Variants in RASSF10 observed in about 807,000 individuals in gnomAD.
RASSF10 encodes the protein Ras association domain family member 10.
A neutral mutation model predicts 41.5 loss-of-function variants in RASSF10; 22 were observed. The ratio of observed to expected loss-of-function variants is 0.53; its 90% CI spans 0.38 to 0.76. The LOEUF (loss-of-function observed/expected upper bound fraction) is 0.76. RASSF10 is among the 30% of genes least tolerant of loss of function. The probability of loss-of-function intolerance (pLI) is 0.00; values close to 1 mark genes in which losing one functional copy is unlikely to be tolerated. For missense variants in RASSF10, 776 were observed against 711.8 expected (o/e 1.09, Z -1.03); for synonymous variants, 364 against 319.0 (o/e 1.14, Z -1.50).
At position 13,010,362 on chromosome 11, in the gene RASSF10, G is replaced by A; in HGVS notation, c.786G>A (p.Leu262=). ...ATCACTACGAGGCCAAGGTGCACCT[G>A]GACCGCATGCGGCGTCACGGGGTCA... ...EIDHYEAKVH[L]DRMRRHGVNY... is the part of the protein sequence containing the mutation. The change falls in exon 1 of 1, where the codon CTG becomes CTA. Residue 262 remains leucine (L), a synonymous_variant. Transcript: ENST00000529419. This position sits in a 1 kb window ranked among gnomAD's most constrained non-coding sequence, Gnocchi z 4.8. The A allele has an allele frequency of 6.4e-7, 1 of 1,551,442 alleles. No individual in the cohort carries two copies. The highest frequency in any genetic ancestry group is 8.7e-7 in the Non-Finnish European group (1 of 1,146,978).
Position 13,010,494 on chromosome 11 carries a change from G to A in RASSF10, c.918G>A (p.Ala306=). 6.6e-7 allele frequency: 1 copy of A among 1,515,666 alleles called. No individual in the cohort carries two copies. Among genetic ancestry groups the A allele is most frequent in the Non-Finnish European group, 8.8e-7 (1 of 1,131,360 alleles). The allele number at this position is 1,515,666 out of a possible 1,614,324, so 93.9% of individuals were successfully genotyped here. ...CGGCGGAGGCGGAGGAGGCGGCGGC[G>A]GCGCCCCCTCTAGCCGGCGAGGCGC... ...EVAAEAEEAA[A]APPLAGEAQA... The change falls in exon 1 of 1, where the codon GCG becomes GCA. Residue 306 remains alanine (A), a synonymous_variant. Coordinates refer to ENST00000529419, the MANE Select transcript of RASSF10 (RefSeq NM_001080521.3). The surrounding 1 kb of genome is among the most constrained non-coding windows in gnomAD (Gnocchi z 4.8).
Position 13,009,881 on chromosome 11 carries a change from G to C in RASSF10, c.305G>C (p.Arg102Pro). The C allele has an allele frequency of 6.2e-7, 1 of 1,604,474 alleles. No individual in the cohort carries two copies. The highest frequency in any genetic ancestry group is 8.5e-7 in the Non-Finnish European group (1 of 1,176,088). ...GTGGAGAAGTGGCGCGGCTTTGAGC[G>C]CATCCTCCCCAACAAGACGCGCATC... Reference protein sequence around the residue: ...CIVEKWRGFERILPNKTRILR... With the variant: ...CIVEKWRGFEPILPNKTRILR... Residue 102 changes from arginine (R) to proline (P), a missense_variant, in exon 1 of 1, where the codon CGC (arginine) becomes CCC (proline). Physicochemically the swap from Arg to Pro is moderately radical, Grantham distance 103 (BLOSUM62 -2). Coordinates refer to ENST00000529419, the MANE Select transcript of RASSF10 (RefSeq NM_001080521.3).
rs1224111576 is a variant in RASSF10 at position 13,009,639 on chromosome 11, C to A, written c.63C>A (p.Gly21=). 5 of 1,601,378 alleles carry A rather than the reference C, an allele frequency of 3.1e-6. No individual in the cohort carries two copies. Among genetic ancestry groups the A allele is most frequent in the Non-Finnish European group, 4.3e-6 (5 of 1,174,236 alleles). Reference sequence around the variant, plus strand: ...GCCAGGAAGAGAAGCTGGTGTCCGGCCTCTCCCGCCGCACCACTTGCTCCG... The same window carrying A: ...GCCAGGAAGAGAAGCTGGTGTCCGGACTCTCCCGCCGCACCACTTGCTCCG... ...WICQEEKLVS[G]LSRRTTCSDV... Residue 21 remains glycine, a synonymous_variant, in exon 1 of 1, where the codon GGC becomes GGA. Coordinates refer to ENST00000529419, the MANE Select transcript of RASSF10 (RefSeq NM_001080521.3).
rs781737760 is a variant in RASSF10, at chr11:13,009,834, GC to G, written c.263del (p.Pro88ArgfsTer41). 1.9e-6 allele frequency: 3 copies of G among 1,606,642 alleles called. No homozygotes were observed. The highest frequency in any genetic ancestry group is 2.2e-5 in the East Asian group (1 of 44,610). The part of the protein sequence containing the change: ...EALPQGMLCG[P>X]PQCYCIVEKW... Reference sequence around the variant, plus strand: ...CGCTGCCGCAGGGCATGCTGTGCGGGCCCCCGCAGTGCTATTGCATCGTGGA... The same window carrying G: ...CGCTGCCGCAGGGCATGCTGTGCGGGCCCCGCAGTGCTATTGCATCGTGGA... On this transcript the variant is annotated frameshift_variant, in exon 1 of 1. Transcript: ENST00000529419. LOFTEE classifies it high-confidence loss of function.
rs781503535 is a variant in RASSF10 at position 13,009,873 on chromosome 11, C to T, written c.297C>T (p.Gly99=). 6.2e-7 allele frequency: 1 copy of T among 1,605,328 alleles called. No individual in the cohort carries two copies. The highest frequency in any genetic ancestry group is 2.2e-5 in the East Asian group (1 of 44,596). Residue 99 remains glycine, a synonymous_variant, in exon 1 of 1, where the codon GGC becomes GGT. Transcript: ENST00000529419. ...QCYCIVEKWR[G]FERILPNKTR... is the part of the protein sequence containing the mutation. Reference sequence around the variant, plus strand: ...ATTGCATCGTGGAGAAGTGGCGCGGCTTTGAGCGCATCCTCCCCAACAAGA... The same window carrying T: ...ATTGCATCGTGGAGAAGTGGCGCGGTTTTGAGCGCATCCTCCCCAACAAGA...
At position 13,011,197 on chromosome 11, in the gene RASSF10, T is replaced by G; in HGVS notation, c.*97T>G. 13 of 994,462 alleles carry G rather than the reference T, an allele frequency of 1.3e-5. No individual in the cohort carries two copies. The highest frequency in any genetic ancestry group is 1.7e-5 in the Non-Finnish European group (12 of 692,118). 61.6% of individuals were successfully genotyped at this position (994,462 alleles called of 1,614,324 possible). On this transcript the variant is annotated 3_prime_UTR_variant, in exon 1 of 1. Transcript: ENST00000529419. ...GGCTCGCGGACTTGAAACCAGGCTG[T>G]TGCGAGCCCAGAGCTCCGGCTGGGC... is the stretch of plus-strand genomic sequence containing the variant.
At position 13,010,196 on chromosome 11, in the gene RASSF10, C is replaced by T; in HGVS notation, c.620C>T (p.Ala207Val). 6.3e-7 allele frequency: 1 copy of T among 1,595,676 alleles called. No individual in the cohort carries two copies. Among genetic ancestry groups the T allele is most frequent in the South Asian group, 1.1e-5 (1 of 87,118 alleles). ...SSCSSTSSST[A>V]SSCSSSPRTH... ...TGTTCGTCCACTTCGTCGTCCACTG[C>T]CTCGTCCTGCTCTTCGTCGCCGCGG... The change falls in exon 1 of 1, where the codon GCC (alanine) becomes GTC (valine). Residue 207 changes from alanine (A) to valine (V), a missense_variant. By Grantham distance (64) the Ala-to-Val change is moderately conservative. Coordinates refer to ENST00000529419, the MANE Select transcript of RASSF10 (RefSeq NM_001080521.3). The surrounding 1 kb of genome is among the most constrained non-coding windows in gnomAD (Gnocchi z 4.8).
At position 13,012,028 on chromosome 11, in the gene RASSF10, C is replaced by T. The variant is rs878874204; in HGVS notation, c.*928C>T. 3.3e-5 allele frequency: 5 copies of T among 152,182 alleles called. No homozygotes were observed. Among genetic ancestry groups the T allele is most frequent in the Admixed American group, 6.5e-5 (1 of 15,282 alleles). The allele number at this position is 152,182 out of a possible 1,614,324, so 9.4% of individuals were successfully genotyped here. ...AAAACAAAACTTGCTGTCTAACAAGCACTCTTTGAAAGCAAAGATGTTTTA... is the reference window on the plus strand; with the variant it reads ...AAAACAAAACTTGCTGTCTAACAAGTACTCTTTGAAAGCAAAGATGTTTTA... On this transcript the variant is annotated 3_prime_UTR_variant, in exon 1 of 1. Coordinates refer to ENST00000529419, the MANE Select transcript of RASSF10 (RefSeq NM_001080521.3).
chr11:13,009,370 G>A lies in RASSF10; in HGVS notation c.-207G>A. 8.1e-7 allele frequency: 1 copy of A among 1,230,910 alleles called. No homozygotes were observed. The highest frequency in any genetic ancestry group is 1.1e-6 in the Non-Finnish European group (1 of 874,644). 76.2% of individuals were successfully genotyped at this position (1,230,910 alleles called of 1,614,324 possible). ...GCGCGTTGCCCCGGGAGCGCCCGTC[G>A]TCCGGGCAGAGCGCAGCCGCAACCG... On this transcript the variant is annotated 5_prime_UTR_variant, in exon 1 of 1. Transcript: ENST00000529419.
At position 13,009,910 on chromosome 11, in the gene RASSF10, C is replaced by A. The variant is rs765590615; in HGVS notation, c.334C>A (p.Arg112Ser). The change falls in exon 1 of 1, where the codon CGC becomes AGC. Residue 112 changes from arginine to serine, a missense_variant. Arg to Ser is a moderately radical substitution (Grantham distance 110). Coordinates refer to ENST00000529419, the MANE Select transcript of RASSF10 (RefSeq NM_001080521.3). ...RILPNKTRILRLWAAWGEEQE... is the reference protein window; with the variant it reads ...RILPNKTRILSLWAAWGEEQE... The stretch of plus-strand genomic sequence containing the variant: ...CCTCCCCAACAAGACGCGCATCTTG[C>A]GCCTCTGGGCTGCCTGGGGCGAAGA... 262 of 1,601,038 alleles carry A rather than the reference C, an allele frequency of 1.6e-4. 5 individuals carry two copies. The highest frequency in any genetic ancestry group is 1.6e-3 in the South Asian group (142 of 89,120).
chr11:13,011,296 A>G lies in RASSF10; in HGVS notation c.*196A>G, dbSNP rs1054159737. 4.8e-5 allele frequency: 27 copies of G among 564,488 alleles called. No homozygotes were observed. The highest frequency in any genetic ancestry group is 4.3e-4 in the African/African-American group (23 of 53,576). 35.0% of individuals were successfully genotyped at this position (564,488 alleles called of 1,614,324 possible). On this transcript the variant is annotated 3_prime_UTR_variant, in exon 1 of 1. Coordinates refer to ENST00000529419, the MANE Select transcript of RASSF10 (RefSeq NM_001080521.3). ...AGAGCAGGGTGAGGGTAGAAGAAGT[A>G]GGATCCTCAATACAAGCTCATTAAA...
In RASSF10 at chr11:13,009,653, C is replaced by G; in HGVS notation, c.77C>G (p.Thr26Ser). ...EKLVSGLSRR[T>S]TCSDVVRVLL... is the part of the protein sequence containing the mutation. Reference sequence around the variant, plus strand: ...CTGGTGTCCGGCCTCTCCCGCCGCACCACTTGCTCCGACGTTGTGCGAGTG... The same window carrying G: ...CTGGTGTCCGGCCTCTCCCGCCGCAGCACTTGCTCCGACGTTGTGCGAGTG... Residue 26 changes from threonine (T) to serine (S), a missense_variant, in exon 1 of 1, where the codon ACC becomes AGC. Thr to Ser is a moderately conservative substitution (Grantham distance 58, BLOSUM62 1). Transcript: ENST00000529419. The G allele has an allele frequency of 6.2e-7, 1 of 1,607,594 alleles. No homozygotes were observed.
rs746778605 is a variant in RASSF10, at chr11:13,010,257, G to A, written c.681G>A (p.Thr227=). 8 of 1,572,838 alleles carry A rather than the reference G, an allele frequency of 5.1e-6. No homozygotes were observed. The South Asian group carries it at 9.4e-5, about 18-fold the overall frequency. The change falls in exon 1 of 1, where the codon ACG becomes ACA. Residue 227 remains threonine, a synonymous_variant. Transcript: ENST00000529419. This position sits in a 1 kb window ranked among gnomAD's most constrained non-coding sequence, Gnocchi z 4.8. ...GCGCGTCGGTGGAGCGCATGGAGAC[G>A]CTGGTGCATCTGGTGCTTTCCCAGG... ...HESASVERME[T]LVHLVLSQDH...
At position 13,010,779 on chromosome 11, in the gene RASSF10, G is replaced by A. The variant is rs373937917; in HGVS notation, c.1203G>A (p.Gly401=). 3.2e-5 allele frequency: 52 copies of A among 1,610,332 alleles called. No homozygotes were observed. The African/African-American group carries it at 5.6e-4, about 17-fold the overall frequency. The part of the protein sequence containing the change: ...RTQLSTSLYI[G]LRLNTDLEAV... ...AGCTCAGTACCAGCCTTTACATTGG[G>A]CTGCGGCTCAACACGGACCTAGAGG... Residue 401 remains glycine (G), a synonymous_variant, in exon 1 of 1, where the codon GGG becomes GGA. Transcript: ENST00000529419. This position sits in a 1 kb window ranked among gnomAD's most constrained non-coding sequence, Gnocchi z 4.8.
At position 13,009,421 on chromosome 11, in the gene RASSF10, G is replaced by A; in HGVS notation, c.-156G>A. ...CGACCACAGCCGCAGTCGCTTTCCA[G>A]CCTGCCTTCGGTGCGCAGCGGGGGA... is the stretch of plus-strand genomic sequence containing the variant. On this transcript the variant is annotated 5_prime_UTR_variant, in exon 1 of 1. Transcript: ENST00000529419. 6.8e-7 allele frequency: 1 copy of A among 1,476,158 alleles called. No individual in the cohort carries two copies. Among genetic ancestry groups the A allele is most frequent in the Non-Finnish European group, 9.0e-7 (1 of 1,108,500 alleles). The allele number at this position is 1,476,158 out of a possible 1,614,324, so 91.4% of individuals were successfully genotyped here. A position where few individuals can be genotyped will look rare whatever the true frequency, so the allele number is the denominator to read the frequency against.
chr11:13,010,527 G>A lies in RASSF10; in HGVS notation c.951G>A (p.Ala317=). ...APPLAGEAQA[A]ALEELARRCD... Reference sequence around the variant, plus strand: ...CTCTAGCCGGCGAGGCGCAGGCGGCGGCGCTGGAGGAGCTGGCCCGGCGCT... The same window carrying A: ...CTCTAGCCGGCGAGGCGCAGGCGGCAGCGCTGGAGGAGCTGGCCCGGCGCT... Residue 317 remains alanine (A), a synonymous_variant, in exon 1 of 1, where the codon GCG becomes GCA. Coordinates refer to ENST00000529419, the MANE Select transcript of RASSF10 (RefSeq NM_001080521.3). The surrounding 1 kb of genome is among the most constrained non-coding windows in gnomAD (Gnocchi z 4.8). 6.6e-7 allele frequency: 1 copy of A among 1,519,396 alleles called. No homozygotes were observed. Among genetic ancestry groups the A allele is most frequent in the Non-Finnish European group, 8.8e-7 (1 of 1,133,030 alleles). 94.1% of individuals were successfully genotyped at this position (1,519,396 alleles called of 1,614,324 possible). A position where few individuals can be genotyped will look rare whatever the true frequency, so the allele number is the denominator to read the frequency against.
At position 13,010,145 on chromosome 11, in the gene RASSF10, G is replaced by A. The variant is rs1041998534; in HGVS notation, c.569G>A (p.Arg190Gln). 4.5e-6 allele frequency: 7 copies of A among 1,568,568 alleles called. No homozygotes were observed. The highest frequency in any genetic ancestry group is 1.2e-5 in the South Asian group (1 of 84,980). ...AFRKLAKLNR[R>Q]RQQQTPSSCS... ...CGCAAACTGGCCAAGCTCAACCGGC[G>A]GCGCCAGCAGCAGACACCGTCGTCC... The change falls in exon 1 of 1, where the codon CGG becomes CAG. Residue 190 changes from arginine (R) to glutamine (Q), a missense_variant. Coordinates refer to ENST00000529419, the MANE Select transcript of RASSF10 (RefSeq NM_001080521.3). The surrounding 1 kb of genome is among the most constrained non-coding windows in gnomAD (Gnocchi z 4.8).
In RASSF10 at chr11:13,009,952, T is replaced by A; in HGVS notation, c.376T>A (p.Phe126Ile). The A allele has an allele frequency of 6.3e-7, 1 of 1,578,424 alleles. No individual in the cohort carries two copies. The highest frequency in any genetic ancestry group is 8.6e-7 in the Non-Finnish European group (1 of 1,161,502). ...GGGCGAAGAGCAAGAGAATGTGCGC[T>A]TCGTGCTAGTGCGCAGCGAGGCATC... ...AWGEEQENVRFVLVRSEASLP... is the reference protein window; with the variant it reads ...AWGEEQENVRIVLVRSEASLP... The change falls in exon 1 of 1, where the codon TTC (phenylalanine) becomes ATC (isoleucine). Residue 126 changes from phenylalanine to isoleucine, a missense_variant. By Grantham distance (21) the Phe-to-Ile change is conservative. Coordinates refer to ENST00000529419, the MANE Select transcript of RASSF10 (RefSeq NM_001080521.3).
At position 13,009,650 on chromosome 11, in the gene RASSF10, GCAC is replaced by G. The variant is rs1258004499; in HGVS notation, c.78_80del (p.Thr27del). On this transcript the variant is annotated inframe_deletion, in exon 1 of 1. Transcript: ENST00000529419. ...AAGCTGGTGTCCGGCCTCTCCCGCC[GCAC>G]CACTTGCTCCGACGTTGTGCGAGTG... is the stretch of plus-strand genomic sequence containing the variant. 2 of 1,607,368 alleles carry G rather than the reference GCAC, an allele frequency of 1.2e-6. No homozygotes were observed. Among genetic ancestry groups the G allele is most frequent in the South Asian group, 2.2e-5 (2 of 89,984 alleles).
Sources: gnomAD v4.1 joint callset for allele counts on GRCh38, gnomAD v4.1.1 for gene constraint, Gnocchi (gnomAD v3.1) non-coding constraint, MANE v1.5 for transcripts, NCBI Gene and HGNC (gene_info 2026-07-23, HGNC 2026-07-21) for gene names.